UBAP2L: variants seen among roughly 807,000 people sequenced by gnomAD.
The protein encoded by UBAP2L is ubiquitin-associated protein 2-like.
UBAP2L carries 12 observed loss-of-function variants against 130.6 expected under a neutral mutation model. That is an observed-to-expected ratio of 0.09 (90% CI 0.06 to 0.15). UBAP2L has a LOEUF of 0.15. Ranked by LOEUF, UBAP2L falls within the 10% of genes least tolerant of loss-of-function variation. UBAP2L has a pLI of 1.00. For missense variants in UBAP2L, 965 were observed against 1,332.5 expected (o/e 0.72, Z 4.29); for synonymous variants, 503 against 524.7 (o/e 0.96, Z 0.57).
chr1:154,252,142 T>A (rs1375232894), intron 14 of UBAP2L, among the ~76,000 whole-genome samples: 1 of 150,650 alleles, frequency 6.6e-6, no homozygotes, highest in Admixed American at 6.6e-5. Context: ...ACCAGCAAAT[T>A]TTTGTATTTT....
chr1:154,263,265 C>T, intron 24 of UBAP2L: 11 of 1,509,132 alleles, frequency 7.3e-6, no homozygotes, highest in South Asian at 1.3e-5. Flanking sequence ...CCATGGCCTG[C>T]GTGGCTTGGG....
At chr1:154,244,399 G>A (rs561560656) in intron 10 of UBAP2L, among the ~76,000 whole-genome samples, 4 of 152,150 alleles carry the variant, frequency 2.6e-5, no homozygotes, top group South Asian at 4.1e-4. Flanking sequence ...GAGACGAGAC[G>A]GAGTCTTGTT....
intron 25 of UBAP2L, among the ~76,000 whole-genome samples, chr1:154,267,151 GTTTTTT>G (rs36051247): frequency 9.2e-6 from 1 of 108,620 alleles, no homozygotes; most frequent in African/African-American, 3.3e-5. Context: ...TATCCAACGA[GTTTTTT>G]TTTTTTTTTT....
chr1:154,255,572 C>A, intron 17 of UBAP2L, 111 bp from the exon 18 acceptor site: 2 of 1,321,802 alleles, frequency 1.5e-6, no homozygotes, highest in Admixed American at 3.4e-5. Flanking sequence ...TGATCTCAGA[C>A]CTCCTTGGTG....
At chr1:154,240,291 A>AT (rs892649588) in intron 8 of UBAP2L, among the ~76,000 whole-genome samples, 1 of 151,790 alleles carries the variant, frequency 6.6e-6, no homozygotes, top group Non-Finnish European at 1.5e-5. Context: ...TCTCACCCTT[A>AT]TTTTTTAAGA....
chr1:154,228,504 A>C, intron 3 of UBAP2L, 111 bp from the exon 4 acceptor site: 1 of 810,954 alleles, frequency 1.2e-6, no homozygotes, highest in Non-Finnish European at 2.0e-6. Flanking sequence ...TTTGCTTTTT[A>C]AACTTGTTTT....
At chr1:154,220,664 A>G, upstream of UBAP2L, 1 of 553,856 alleles carries the variant, frequency 1.8e-6, no homozygotes, top group East Asian at 3.1e-5. Flanking sequence ...GAGCGCTCAG[A>G]CGCGGAACTA....
In UBAP2L at chr1:154,257,250, C is replaced by T. The variant is rs1207825915; in HGVS notation, c.2345C>T (p.Thr782Met). ...GCCTCGACTCGAAGCTCAGTTGCTA[C>T]GACTTCAGGTAGCCTTGCATAAGCA... is the stretch of plus-strand genomic sequence containing the variant. ...VTASTRSSVA[T>M]TSGKAPPNLP... Residue 782 changes from threonine to methionine, a missense_variant, in exon 19 of 27, where the codon ACG becomes ATG. This residue lies in a region of UBAP2L where 393 missense variants were observed against 408.1 expected (regional missense o/e 0.96). Transcript: ENST00000428931. 1.8e-5 allele frequency: 29 copies of T among 1,614,054 alleles called. No homozygotes were observed. The highest frequency in any genetic ancestry group is 5.0e-5 in the Admixed American group (3 of 60,002).
intron 3 of UBAP2L, among the ~76,000 whole-genome samples, chr1:154,228,409 A>C (rs902341863): frequency 6.6e-6 from 1 of 151,254 alleles, no homozygotes. Flanking sequence ...TTGGTCTCAA[A>C]CTCCTGACCT....
At chr1:154,232,455 T>C (rs907128690) in intron 4 of UBAP2L, among the ~76,000 whole-genome samples, 1 of 152,212 alleles carries the variant, frequency 6.6e-6, no homozygotes, top group Non-Finnish European at 1.5e-5. Flanking sequence ...TTTACAATGC[T>C]CATTTTCCTG....
Position 154,268,964 on chromosome 1 carries a change from C to T in UBAP2L, c.3168+10C>T, listed in dbSNP as rs373989862. ...GCAGCAGGATGGCCAGGTAATAGCCCTTCCCCTTCTCTCCTTTCCCTTCCT... is the reference window on the plus strand; with the variant it reads ...GCAGCAGGATGGCCAGGTAATAGCCTTTCCCCTTCTCTCCTTTCCCTTCCT... On this transcript the variant is annotated intron_variant, in intron 26 of 26. Coordinates refer to ENST00000428931, the MANE Select transcript of UBAP2L (RefSeq NM_014847.4). 1 of 1,611,420 alleles carries T rather than the reference C, an allele frequency of 6.2e-7. No homozygotes were observed.
intron 9 of UBAP2L, chr1:154,241,890 A>T (rs771034377): frequency 6.5e-5 from 27 of 417,312 alleles, no homozygotes; most frequent in Non-Finnish European, 8.0e-5. Flanking sequence ...TAGTGCATTG[A>T]GTAACAGCTG....
In UBAP2L at chr1:154,257,047, G is replaced by A; in HGVS notation, c.2158-16G>A. 1 of 1,608,902 alleles carries A rather than the reference G, an allele frequency of 6.2e-7. No individual in the cohort carries two copies. Among genetic ancestry groups the A allele is most frequent in the Middle Eastern group, 1.7e-4 (1 of 6,054 alleles). ...CTCTTTTCTTCTTCTCTCTTCCACT[G>A]CTCCCCCTTTTGAAGCACACAAGTG... On this transcript the variant is annotated splice_polypyrimidine_tract_variant and intron_variant, in intron 18 of 26. Transcript: ENST00000428931.
chr1:154,255,126 G>A (rs1381911299), intron 16 of UBAP2L, 26 bp from the exon 17 acceptor site: 12 of 1,610,612 alleles, frequency 7.5e-6, no homozygotes, highest in Non-Finnish European at 9.3e-6. Context: ...TCTGATGAGA[G>A]GAATTCCTTT....
At position 154,253,942 on chromosome 1, in the gene UBAP2L, T is replaced by C. The variant is rs760607903; in HGVS notation, c.1707T>C (p.Ser569=). 1.2e-6 allele frequency: 2 copies of C among 1,614,154 alleles called. No homozygotes were observed. The highest frequency in any genetic ancestry group is 8.5e-7 in the Non-Finnish European group (1 of 1,180,030). ...STISSNQSQE[S]GYQSGPIQST... ...TTTCATCTAACCAGAGTCAGGAGTC[T>C]GGTTATCAGAGCGGCCCAATTCAGT... The change falls in exon 15 of 27, where the codon TCT becomes TCC. Residue 569 remains serine (S), a synonymous_variant. Coordinates refer to ENST00000428931, the MANE Select transcript of UBAP2L (RefSeq NM_014847.4).
At chr1:154,234,921 T>C in intron 5 of UBAP2L, 162 bp downstream of exon 5, 1 of 934,484 alleles carries the variant, frequency 1.1e-6, no homozygotes, top group Non-Finnish European at 1.6e-6. Flanking sequence ...GCATGTGGCC[T>C]TTTCTACCAA....
At position 154,254,843 on chromosome 1, in the gene UBAP2L, T is replaced by G; in HGVS notation, c.1862T>G (p.Phe621Cys). The change falls in exon 16 of 27, where the codon TTC becomes TGC. Residue 621 changes from phenylalanine (F) to cysteine (C), a missense_variant. This residue lies in a region of UBAP2L where 393 missense variants were observed against 408.1 expected (regional missense o/e 0.96). Coordinates refer to ENST00000428931, the MANE Select transcript of UBAP2L (RefSeq NM_014847.4). ...TTTTTTTTTTTTTACCAGAATGGCTTCAGTTCTGTGCAGGCCACGCAGTTA... is the reference window on the plus strand; with the variant it reads ...TTTTTTTTTTTTTACCAGAATGGCTGCAGTTCTGTGCAGGCCACGCAGTTA... ...QKDLTQAKNG[F>C]SSVQATQLQT... is the part of the protein sequence containing the mutation. 2 of 1,604,066 alleles carry G rather than the reference T, an allele frequency of 1.2e-6. No individual in the cohort carries two copies. The highest frequency in any genetic ancestry group is 1.7e-6 in the Non-Finnish European group (2 of 1,177,972).
intron 25 of UBAP2L, 135 bp from the exon 26 acceptor site, chr1:154,268,622 A>G (rs899834293): frequency 3.8e-6 from 3 of 793,702 alleles, no homozygotes; most frequent in Non-Finnish European, 6.3e-6. Flanking sequence ...AGACCTGAAT[A>G]TGTGACTTCA....
intron 24 of UBAP2L, among the ~76,000 whole-genome samples, chr1:154,264,619 GATC>G (rs1682654533): frequency 6.6e-6 from 1 of 152,196 alleles, no homozygotes; most frequent in Non-Finnish European, 1.5e-5. Context: ...GAAAGAATGA[GATC>G]AGGTAGGGGC....
Sources: gnomAD v4.1 joint callset for allele counts (sites outside exome capture counted in the v4.1 genomes callset) on GRCh38, gnomAD v4.1.1 for gene constraint, gnomAD v4.1.1 regional missense constraint, MANE v1.5 for transcripts, NCBI Gene and HGNC (gene_info 2026-07-23, HGNC 2026-07-21) for gene names.